The following CACNA2D4 variants were observed in gnomAD, a reference collection of about 807,000 sequenced individuals.
The protein encoded by CACNA2D4 is voltage-dependent calcium channel subunit alpha-2/delta-4.
CACNA2D4 carries 157 observed loss-of-function variants against 163.8 expected under a neutral mutation model. The ratio of observed to expected loss-of-function variants is 0.96; its 90% CI spans 0.84 to 1.09. The LOEUF (loss-of-function observed/expected upper bound fraction) is 1.09. Among genes scored for constraint, CACNA2D4 ranks in the 50% least tolerant of loss-of-function variants. The pLI, the probability that CACNA2D4 is intolerant of heterozygous loss-of-function variation, is 0.00. For synonymous variants in CACNA2D4, 598 were observed against 586.9 expected (o/e 1.02, Z -0.27); for missense variants, 1,410 against 1,479.9 (o/e 0.95, Z 0.78).
chr12:1,820,861 CAG>C lies in CACNA2D4; in HGVS notation c.2552-9140_2552-9139del, dbSNP rs1407481334. 2 of 152,214 alleles carry C rather than the reference CAG, an allele frequency of 1.3e-5. No homozygotes were observed. Among genetic ancestry groups the C allele is most frequent in the African/African-American group, 2.4e-5 (1 of 41,420 alleles). The allele number at this position is 152,214 out of a possible 1,614,324, so 9.4% of individuals were successfully genotyped here. ...GGAAGGAATGGAGGGTTGGTGGGGACAGGGGGTGGTCGGGGCATGGGAAGTGG... is the reference window on the plus strand; with the variant it reads ...GGAAGGAATGGAGGGTTGGTGGGGACGGGGTGGTCGGGGCATGGGAAGTGG... On this transcript the variant is annotated intron_variant, in intron 26 of 37. Coordinates refer to ENST00000382722, the MANE Select transcript of CACNA2D4 (RefSeq NM_172364.5). This position sits in a 1 kb window ranked among gnomAD's most constrained non-coding sequence, Gnocchi z 6.0.
Position 1,793,449 on chromosome 12 carries a change from T to C in CACNA2D4, c.*206A>G. On this transcript the variant is annotated 3_prime_UTR_variant, in exon 38 of 38. Transcript: ENST00000382722. ...CTAGGGCAGATGGTACCGGGCACCA[T>C]GAAGCATCTTGAAAGTGGTGCCAGG... is the stretch of plus-strand genomic sequence containing the variant. 1 of 623,542 alleles carries C rather than the reference T, an allele frequency of 1.6e-6. No homozygotes were observed. The highest frequency in any genetic ancestry group is 2.7e-5 in the East Asian group (1 of 36,406). The allele number at this position is 623,542 out of a possible 1,614,324, so 38.6% of individuals were successfully genotyped here.
intron 22 of CACNA2D4, among the ~76,000 whole-genome samples, chr12:1,854,479 C>G (rs888380795): frequency 1.3e-5 from 2 of 152,178 alleles, no homozygotes; most frequent in African/African-American, 4.8e-5. Context: ...GATCTTGGCT[C>G]ACTTCAACCT....
At chr12:1,893,603 AG>A (rs1352380546) in intron 6 of CACNA2D4, among the ~76,000 whole-genome samples, 1 of 152,174 alleles carries the variant, frequency 6.6e-6, no homozygotes, top group African/African-American at 2.4e-5. Flanking sequence ...CAATAACAAG[AG>A]AAATTTTAGA....
At chr12:1,885,160 G>C in intron 9 of CACNA2D4, 84 bp from the exon 10 acceptor site, 1 of 1,084,036 alleles carries the variant, frequency 9.2e-7, no homozygotes, top group Non-Finnish European at 1.4e-6. Context: ...TTGGGAGGCT[G>C]TTTAGGGCCA....
intron 6 of CACNA2D4, among the ~76,000 whole-genome samples, chr12:1,894,246 A>G (rs999519099): frequency 1.3e-5 from 2 of 152,208 alleles, no homozygotes; most frequent in Non-Finnish European, 2.9e-5. Flanking sequence ...CCAGTAATAA[A>G]AAGCCTCCCA....
intron 26 of CACNA2D4, among the ~76,000 whole-genome samples, chr12:1,825,676 G>A (rs1565689137): frequency 6.6e-6 from 1 of 152,220 alleles, no homozygotes; most frequent in Non-Finnish European, 1.5e-5. Flanking sequence ...GTGTGTGTTT[G>A]CATCACGTGC....
chr12:1,845,047 C>T (rs964805833), intron 24 of CACNA2D4, among the ~76,000 whole-genome samples: 15 of 141,354 alleles, frequency 1.1e-4, no homozygotes, highest in African/African-American at 5.4e-5. Context: ...AGGGAGTGTT[C>T]GGCCAGAAGC....
rs1025499219 is a variant in CACNA2D4 at position 1,798,625 on chromosome 12, C to T, written c.2995+1050G>A. ...TGGAAGGGGCTGCAGCACCTACGCC[C>T]CGGCCTGGGACTCCAAGTCCAGTGC... On this transcript the variant is annotated intron_variant, in intron 34 of 37. Coordinates refer to ENST00000382722, the MANE Select transcript of CACNA2D4 (RefSeq NM_172364.5). The surrounding 1 kb of genome is among the most constrained non-coding windows in gnomAD (Gnocchi z 4.3). 6.6e-6 allele frequency among the ~76,000 whole-genome samples: 1 copy of T among 152,156 alleles called. No individual in the cohort carries two copies. Among genetic ancestry groups the T allele is most frequent in the African/African-American group, 2.4e-5 (1 of 41,434 alleles).
Position 1,844,562 on chromosome 12 carries a change from G to C in CACNA2D4, c.2343-33C>G, listed in dbSNP as rs1281815921. The C allele has an allele frequency of 9.4e-6, 15 of 1,603,102 alleles. No individual in the cohort carries two copies. The highest frequency in any genetic ancestry group is 1.3e-5 in the African/African-American group (1 of 74,770). On this transcript the variant is annotated intron_variant, in intron 24 of 37. Coordinates refer to ENST00000382722, the MANE Select transcript of CACNA2D4 (RefSeq NM_172364.5). The surrounding 1 kb of genome is among the most constrained non-coding windows in gnomAD (Gnocchi z 4.2). Reference sequence around the variant, plus strand: ...GAGGAAGATGTGGTACCTCTCCCCAGATCTGTGAACACAGTCATCACTCTT... The same window carrying C: ...GAGGAAGATGTGGTACCTCTCCCCACATCTGTGAACACAGTCATCACTCTT...
chr12:1,795,817 G>T, intron 35 of CACNA2D4, 37 bp from the exon 36 acceptor site: 1 of 1,321,970 alleles, frequency 7.6e-7, no homozygotes, highest in Non-Finnish European at 1.1e-6. Context: ...TGGCTCCGTG[G>T]CGACCACGAG....
chr12:1,834,187 T>G lies in CACNA2D4; in HGVS notation c.2551+6552A>C. On this transcript the variant is annotated intron_variant, in intron 26 of 37. Coordinates refer to ENST00000382722, the MANE Select transcript of CACNA2D4 (RefSeq NM_172364.5). This position sits in a 1 kb window ranked among gnomAD's most constrained non-coding sequence, Gnocchi z 7.6. The stretch of plus-strand genomic sequence containing the variant: ...TAAAAACTACCTTCTGGGGCTTCCG[T>G]TTTGGGGAGCTGGGGATGGGGAGAG... 3 of 1,470,374 alleles carry G rather than the reference T, an allele frequency of 2.0e-6. No individual in the cohort carries two copies. Among genetic ancestry groups the G allele is most frequent in the Non-Finnish European group, 1.8e-6 (2 of 1,103,284 alleles). 91.1% of individuals were successfully genotyped at this position (1,470,374 alleles called of 1,614,324 possible). A position where few individuals can be genotyped will look rare whatever the true frequency, so the allele number is the denominator to read the frequency against.
At position 1,860,214 on chromosome 12, in the gene CACNA2D4, A is replaced by T; in HGVS notation, c.1879-8T>A. 1 of 1,612,568 alleles carries T rather than the reference A, an allele frequency of 6.2e-7. No individual in the cohort carries two copies. The highest frequency in any genetic ancestry group is 8.5e-7 in the Non-Finnish European group (1 of 1,178,970). Reference sequence around the variant, plus strand: ...CAGGAAAAGAACTCGCTTCTGAAAGAGTAGACAAGGAAAGAGTGCTCACGC... The same window carrying T: ...CAGGAAAAGAACTCGCTTCTGAAAGTGTAGACAAGGAAAGAGTGCTCACGC... On this transcript the variant is annotated splice_polypyrimidine_tract_variant and splice_region_variant and intron_variant, in intron 18 of 37. Transcript: ENST00000382722.
At chr12:1,862,686 T>A (rs1381241148) in intron 18 of CACNA2D4, among the ~76,000 whole-genome samples, 1 of 152,208 alleles carries the variant, frequency 6.6e-6, no homozygotes, top group East Asian at 1.9e-4. Context: ...GTGTTGGGAT[T>A]AGAGGGATGA....
Position 1,828,645 on chromosome 12 carries a change from C to T in CACNA2D4, c.2551+12094G>A, listed in dbSNP as rs1206664607. Among the ~76,000 whole-genome samples the T allele has an allele frequency of 3.9e-5, 6 of 152,216 alleles. No homozygotes were observed. The highest frequency in any genetic ancestry group is 1.9e-4 in the East Asian group (1 of 5,184). ...GGGGAACTGCCCCCTTGGCTGGCCT[C>T]GGCCAGGAGCTGGGTCAGCTTGGAG... On this transcript the variant is annotated intron_variant, in intron 26 of 37. Coordinates refer to ENST00000382722, the MANE Select transcript of CACNA2D4 (RefSeq NM_172364.5). This position sits in a 1 kb window ranked among gnomAD's most constrained non-coding sequence, Gnocchi z 4.2.
In CACNA2D4 at chr12:1,908,015, A is replaced by G. The variant is rs1866708824; in HGVS notation, c.509T>C (p.Leu170Pro). 4.3e-6 allele frequency: 7 copies of G among 1,613,614 alleles called. No homozygotes were observed. In the South Asian group the frequency reaches 7.7e-5, roughly 18 times the overall value. The change falls in exon 5 of 38, where the codon CTG becomes CCG. Residue 170 changes from leucine (L) to proline (P), a missense_variant. By Grantham distance (98) the Leu-to-Pro change is moderately conservative. Coordinates refer to ENST00000382722, the MANE Select transcript of CACNA2D4 (RefSeq NM_172364.5). Reference protein sequence around the residue: ...SLVFDYYNSVLINERDEKGNF... With the variant: ...SLVFDYYNSVPINERDEKGNF... Reference sequence around the variant, plus strand: ...GCCCTTCTCGTCCCTCTCGTTGATCAGGACCGAGTTGTAATAGTCGAACTG... The same window carrying G: ...GCCCTTCTCGTCCCTCTCGTTGATCGGGACCGAGTTGTAATAGTCGAACTG...
intron 26 of CACNA2D4, chr12:1,827,549 CG>C (rs1228402481): frequency 2.6e-5 from 4 of 153,054 alleles, no homozygotes; most frequent in African/African-American, 9.6e-5. Context: ...ACACCCTACG[CG>C]GCTGCAGCTG....
rs1163335152 is a variant in CACNA2D4, at chr12:1,878,910, C to G, written c.1644+46G>C. ...CTCCCATCACGGGGGAGGGAGTTTG[C>G]TCCTGGGGAACCTGTGATCCCCACA... On this transcript the variant is annotated intron_variant, in intron 15 of 37. Coordinates refer to ENST00000382722, the MANE Select transcript of CACNA2D4 (RefSeq NM_172364.5). The surrounding 1 kb of genome is among the most constrained non-coding windows in gnomAD (Gnocchi z 4.6). The G allele has an allele frequency of 6.4e-7, 1 of 1,558,332 alleles. No individual in the cohort carries two copies. The highest frequency in any genetic ancestry group is 1.1e-5 in the South Asian group (1 of 88,492).
intron 31 of CACNA2D4, 189 bp from the exon 32 acceptor site, chr12:1,800,627 T>C (rs1326419317): frequency 4.8e-6 from 3 of 619,112 alleles, no homozygotes; most frequent in Admixed American, 5.5e-5. Flanking sequence ...CCTGCAGAGC[T>C]GAGCTAGCTG....
rs748218601 is a variant in CACNA2D4 at position 1,885,985 on chromosome 12, C to T, written c.1048G>A (p.Ala350Thr). Residue 350 changes from alanine (A) to threonine (T), a missense_variant, in exon 9 of 38, where the codon GCG becomes ACG. Physicochemically the swap from Ala to Thr is moderately conservative, Grantham distance 58 (BLOSUM62 0). Transcript: ENST00000382722. ...EPCFKGILVQ[A>T]DRDNREHFKL... The stretch of plus-strand genomic sequence containing the variant: ...CTCACCTCTCGATTGTCTCGGTCCG[C>T]CTGGACGAGGATCCCTTTAAAACAA... The T allele has an allele frequency of 1.2e-6, 2 of 1,613,466 alleles. No individual in the cohort carries two copies. Among genetic ancestry groups the T allele is most frequent in the Non-Finnish European group, 1.7e-6 (2 of 1,179,578 alleles).
Sources: gnomAD v4.1 joint callset for allele counts (sites outside exome capture counted in the v4.1 genomes callset) on GRCh38, gnomAD v4.1.1 for gene constraint, Gnocchi (gnomAD v3.1) non-coding constraint, MANE v1.5 for transcripts, NCBI Gene and HGNC (gene_info 2026-07-23, HGNC 2026-07-21) for gene names.